The following VAC14 variants were observed in gnomAD, a reference collection of about 807,000 sequenced individuals.
VAC14 encodes the protein protein VAC14 homolog.
Under a neutral mutation model 85.3 loss-of-function variants are expected in VAC14, and 47 were observed. That is an observed-to-expected ratio of 0.55 (90% CI 0.44 to 0.70). VAC14 has a LOEUF of 0.70. Ranked by LOEUF, VAC14 falls within the 30% of genes least tolerant of loss-of-function variation. The pLI, the probability that VAC14 is intolerant of heterozygous loss-of-function variation, is 0.00. For missense variants in VAC14, 861 were observed against 1,004.3 expected, an observed-to-expected ratio of 0.86 and a Z score of 1.93; for synonymous variants, 447 against 430.5, an observed-to-expected ratio of 1.04 and a Z score of -0.47.
At chr16:70,736,493 T>G (rs2054757428) in intron 13 of VAC14, among the ~76,000 whole-genome samples, 1 of 152,112 alleles carries the variant, frequency 6.6e-6, no homozygotes, top group South Asian at 2.1e-4. Context: ...CCCACACATC[T>G]GGGGAGGGAG....
chr16:70,748,207 A>G (rs1282474569), intron 12 of VAC14, among the ~76,000 whole-genome samples: 2 of 152,198 alleles, frequency 1.3e-5, no homozygotes, highest in African/African-American at 4.8e-5. Flanking sequence ...CTGACCCTGG[A>G]CCAGTTAACT....
At chr16:70,797,847 C>T (rs971700280) in intron 1 of VAC14, among the ~76,000 whole-genome samples, 12 of 152,172 alleles carry the variant, frequency 7.9e-5, no homozygotes, top group African/African-American at 2.4e-4. Flanking sequence ...CTCCTGCTCC[C>T]GCCATGTGGG....
intron 14 of VAC14, chr16:70,731,183 T>A: frequency 1.3e-6 from 1 of 790,352 alleles, no homozygotes; most frequent in Non-Finnish European, 1.6e-6. Flanking sequence ...GCTCACCTCC[T>A]TTCCTCTCCA....
Position 70,786,355 on chromosome 16 carries a change from C to T in VAC14, c.115G>A (p.Glu39Lys). The change falls in exon 2 of 19, where the codon GAG (glutamate) becomes AAG (lysine). Residue 39 changes from glutamate to lysine, a missense_variant. Glu to Lys is a moderately conservative substitution (Grantham distance 56). Transcript: ENST00000261776. ...ACGGTATTGTTCTGGGCCACGAACT[C>T]CCGGACCAGCCTGGAGAGAGAGGAG... ...AALEIEKLVR[E>K]FVAQNNTVQI... 1 of 1,613,992 alleles carries T rather than the reference C, an allele frequency of 6.2e-7. No individual in the cohort carries two copies. The highest frequency in any genetic ancestry group is 8.5e-7 in the Non-Finnish European group (1 of 1,179,874).
At chr16:70,707,318 G>C (rs1300294262) in intron 14 of VAC14, among the ~76,000 whole-genome samples, 1 of 152,192 alleles carries the variant, frequency 6.6e-6, no homozygotes, top group African/African-American at 2.4e-5. Flanking sequence ...GATGTGTCTG[G>C]TACACTTAAA....
chr16:70,793,997 C>A (rs572149330), intron 1 of VAC14, among the ~76,000 whole-genome samples: 126 of 152,088 alleles, frequency 8.3e-4, no homozygotes, highest in Non-Finnish European at 1.4e-3. Flanking sequence ...GTGGATCCAA[C>A]CAGTGGAAAA....
chr16:70,735,668 G>C (rs1193734780), intron 13 of VAC14, among the ~76,000 whole-genome samples: 1 of 152,236 alleles, frequency 6.6e-6, no homozygotes, highest in African/African-American at 2.4e-5. Flanking sequence ...CCAAACTGTA[G>C]CATCCTCAAT....
At chr16:70,712,518 C>T (rs1007280897) in intron 14 of VAC14, among the ~76,000 whole-genome samples, 1 of 152,150 alleles carries the variant, frequency 6.6e-6, no homozygotes. Context: ...AGTGTCTAGC[C>T]GGGCTCAGGA....
chr16:70,753,440 G>C (rs944562617), intron 12 of VAC14, among the ~76,000 whole-genome samples: 2 of 152,176 alleles, frequency 1.3e-5, no homozygotes, highest in African/African-American at 4.8e-5. Flanking sequence ...ATCAACACAT[G>C]ACTTGCAAGA....
chr16:70,744,311 G>T, intron 13 of VAC14, 112 bp downstream of exon 13: 1 of 1,441,872 alleles, frequency 6.9e-7, no homozygotes, highest in South Asian at 1.4e-5. Context: ...CTCACACCCT[G>T]GCAGAGCTCC....
intron 10 of VAC14, among the ~76,000 whole-genome samples, chr16:70,764,463 A>G (rs1203994940): frequency 1.3e-5 from 2 of 152,292 alleles, no homozygotes; most frequent in Admixed American, 1.3e-4. Flanking sequence ...GTGCAGGTAG[A>G]GGAGTCTAGG....
intron 14 of VAC14, among the ~76,000 whole-genome samples, chr16:70,719,921 T>C (rs886932853): frequency 2.0e-5 from 3 of 152,202 alleles, no homozygotes; most frequent in Non-Finnish European, 2.9e-5. Context: ...TTATCCATAA[T>C]AGTGTCAAAC....
intron 14 of VAC14, among the ~76,000 whole-genome samples, chr16:70,712,721 G>A (rs918127067): frequency 4.6e-5 from 7 of 152,216 alleles, no homozygotes; most frequent in Non-Finnish European, 7.3e-5. Flanking sequence ...GAGGGAGGAG[G>A]TGGCAGGTGG....
rs1323831484 is a variant in VAC14 at position 70,780,948 on chromosome 16, A to G, written c.947-9T>C. On this transcript the variant is annotated splice_polypyrimidine_tract_variant and intron_variant, in intron 8 of 18. Coordinates refer to ENST00000261776, the MANE Select transcript of VAC14 (RefSeq NM_018052.5). ...GGCCACTTCTTTGATGCCTGAGTCC[A>G]CTGATGTAAGGAGCGTGATCTGATT... 6.2e-6 allele frequency: 10 copies of G among 1,613,888 alleles called. No homozygotes were observed. The East Asian group carries it at 1.1e-4, about 18-fold the overall frequency.
intron 14 of VAC14, among the ~76,000 whole-genome samples, chr16:70,712,966 G>T (rs918729501): frequency 2.0e-5 from 3 of 152,168 alleles, no homozygotes; most frequent in Admixed American, 2.0e-4. Context: ...TTCCTCTCTA[G>T]AGGGGCTGCT....
At chr16:70,756,648 T>A (rs1597948915) in intron 12 of VAC14, among the ~76,000 whole-genome samples, 1 of 152,160 alleles carries the variant, frequency 6.6e-6, no homozygotes, top group South Asian at 2.1e-4. Flanking sequence ...GGGACAGCCC[T>A]TGGGGTTCTA....
chr16:70,716,064 C>T (rs1398044789), intron 14 of VAC14: 2 of 152,220 alleles, frequency 1.3e-5, no homozygotes, highest in African/African-American at 2.4e-5. Context: ...TTCAGAAAAC[C>T]TCAGATCCAG....
At chr16:70,741,019 T>C (rs1452219568) in intron 13 of VAC14, among the ~76,000 whole-genome samples, 2 of 152,246 alleles carry the variant, frequency 1.3e-5, no homozygotes, top group African/African-American at 4.8e-5. Flanking sequence ...TCCCTACAGA[T>C]GCCACCGACT....
chr16:70,797,495 A>G (rs2034594265), intron 1 of VAC14, among the ~76,000 whole-genome samples: 1 of 152,240 alleles, frequency 6.6e-6, no homozygotes, highest in Non-Finnish European at 1.5e-5. Context: ...AGCAGTACTG[A>G]CAGATGACAA....
Sources: allele counts gnomAD v4.1 joint callset (sites outside exome capture counted in the v4.1 genomes callset), GRCh38; gene constraint gnomAD v4.1.1; transcripts MANE v1.5; gene names NCBI Gene and HGNC (gene_info 2026-07-23, HGNC 2026-07-21).